Variants in TMEM131L observed in about 807,000 individuals in gnomAD.
TMEM131L encodes transmembrane protein 131-like.
TMEM131L carries 54 observed loss-of-function variants against 192.2 expected under a neutral mutation model. The ratio of observed to expected loss-of-function variants is 0.28; its 90% confidence interval spans 0.23 to 0.35. The LOEUF is 0.35. Ranked by LOEUF, TMEM131L falls within the 10% of genes least tolerant of loss-of-function variation. The pLI, the probability that TMEM131L is intolerant of heterozygous loss-of-function variation, is 1.00. For synonymous variants in TMEM131L, 701 were observed against 704.9 expected, an observed-to-expected ratio of 0.99 and a Z score of 0.09; for missense variants, 1,888 against 1,972.9, an observed-to-expected ratio of 0.96 and a Z score of 0.82.
In TMEM131L at chr4:153,593,830, A is replaced by G. The variant is rs1484354106; in HGVS notation, c.1954A>G (p.Thr652Ala). The G allele has an allele frequency of 3.7e-6, 6 of 1,613,614 alleles. No individual in the cohort carries two copies. ...CACTGATATGCAGATGATTAATTTC[A>G]CAACTGGTGAATTCCAGCTCACCGA... ...FGTDMQMINF[T>A]TGEFQLTEAC... Residue 652 changes from threonine (T) to alanine (A), a missense_variant, in exon 19 of 35, where the codon ACA becomes GCA. Thr to Ala is a moderately conservative substitution (Grantham distance 58). Transcript: ENST00000409959.
chr4:153,482,700 T>C (rs2149806764), intron 3 of TMEM131L, among the ~76,000 whole-genome samples: 1 of 152,332 alleles, frequency 6.6e-6, no homozygotes, highest in South Asian at 2.1e-4. Context: ...TAAGCAGTCC[T>C]TCCGCCTCAG....
intron 23 of TMEM131L, 109 bp from the exon 24 acceptor site, chr4:153,603,194 A>T (rs1731967827): frequency 3.4e-6 from 3 of 889,584 alleles, no homozygotes; most frequent in Non-Finnish European, 5.0e-6. Flanking sequence ...TTAATACTGC[A>T]TCTTCAGATG....
chr4:153,602,820 A>C lies in TMEM131L; in HGVS notation c.2639+93A>C. The stretch of plus-strand genomic sequence containing the variant: ...ACGTGAACTGCCCGAGTGTAGTCAA[A>C]GTATATGAATTGAGTGGAATTGTTA... On this transcript the variant is annotated intron_variant, in intron 23 of 34. Transcript: ENST00000409959. 3.6e-6 allele frequency: 4 copies of C among 1,104,556 alleles called. No individual in the cohort carries two copies. In the South Asian group the frequency reaches 5.8e-5, roughly 16 times the overall value. 68.4% of individuals were successfully genotyped at this position (1,104,556 alleles called of 1,614,324 possible). A position where few individuals can be genotyped will look rare whatever the true frequency, so the allele number is the denominator to read the frequency against.
chr4:153,553,917 G>T (rs1737818460), intron 4 of TMEM131L, among the ~76,000 whole-genome samples: 1 of 152,146 alleles, frequency 6.6e-6, no homozygotes, highest in African/African-American at 2.4e-5. Context: ...CTAAAAAATA[G>T]AATAAAAATA....
At chr4:153,515,066 C>G (rs1734638820) in intron 3 of TMEM131L, among the ~76,000 whole-genome samples, 1 of 152,242 alleles carries the variant, frequency 6.6e-6, no homozygotes, top group Non-Finnish European at 1.5e-5. Flanking sequence ...CCTGCCTCGG[C>G]CTCCCGAAGT....
At chr4:153,587,710 T>C in intron 14 of TMEM131L, 32 bp from the exon 15 acceptor site, 1 of 1,486,806 alleles carries the variant, frequency 6.7e-7, no homozygotes, top group Non-Finnish European at 9.4e-7. Flanking sequence ...GTGCTGTGTT[T>C]TAAGTTATTC....
At chr4:153,491,602 G>T (rs1732784929) in intron 3 of TMEM131L, among the ~76,000 whole-genome samples, 1 of 151,938 alleles carries the variant, frequency 6.6e-6, no homozygotes, top group South Asian at 2.1e-4. Flanking sequence ...TACGTCTTAT[G>T]CATTTATTTA....
chr4:153,499,096 A>G (rs1733400133), intron 3 of TMEM131L, among the ~76,000 whole-genome samples: 1 of 152,232 alleles, frequency 6.6e-6, no homozygotes, highest in Non-Finnish European at 1.5e-5. Flanking sequence ...TCTGTGGCTC[A>G]TCCTAGGCAC....
intron 25 of TMEM131L, 68 bp downstream of exon 25, chr4:153,604,498 C>A: frequency 1.4e-6 from 2 of 1,424,056 alleles, no homozygotes; most frequent in Non-Finnish European, 1.9e-6. Context: ...TGGAATTGTT[C>A]TCACCTGTGA....
chr4:153,478,172 G>A (rs905674941), intron 3 of TMEM131L, among the ~76,000 whole-genome samples: 6 of 152,100 alleles, frequency 3.9e-5, no homozygotes, highest in Admixed American at 3.9e-4. Context: ...TTCCTCATGT[G>A]TAAAGAAATG....
rs1270650159 is a variant in TMEM131L at position 153,581,471 on chromosome 4, A to G, written c.803A>G (p.Asn268Ser). 2 of 1,598,068 alleles carry G rather than the reference A, an allele frequency of 1.3e-6. No homozygotes were observed. The highest frequency in any genetic ancestry group is 1.1e-5 in the South Asian group (1 of 89,010). The change falls in exon 9 of 35, where the codon AAC (asparagine) becomes AGC (serine). Residue 268 changes from asparagine to serine, a missense_variant. By Grantham distance (46) the Asn-to-Ser change is conservative (BLOSUM62 1). Coordinates refer to ENST00000409959, the MANE Select transcript of TMEM131L (RefSeq NM_001131007.2). ...ATGAGCATAATGGTAACAATGGAAA[A>G]CTTTTCAAAAGAATTTGAAGAAAAC... ...LQMSIMVTME[N>S]FSKEFEENTQ... is the part of the protein sequence containing the mutation.
chr4:153,624,598 G>A (rs1189533885), intron 29 of TMEM131L, among the ~76,000 whole-genome samples: 2 of 152,174 alleles, frequency 1.3e-5, no homozygotes, highest in East Asian at 1.9e-4. Context: ...GTGCCCACAC[G>A]CCCCGTGAGA....
chr4:153,603,324 T>G lies in TMEM131L; in HGVS notation c.2661T>G (p.Ile887Met). ...TCAGTTTGTCCCTGTTGGGTGTGAT[T>G]TTAATAGCCTTCCAACAAGCACAGT... ...FFVSLSLLGV[I>M]LIAFQQAQYI... The change falls in exon 24 of 35, where the codon ATT becomes ATG. Residue 887 changes from isoleucine to methionine, a missense_variant. Transcript: ENST00000409959. 1 of 1,613,870 alleles carries G rather than the reference T, an allele frequency of 6.2e-7. No individual in the cohort carries two copies. Among genetic ancestry groups the G allele is most frequent in the Non-Finnish European group, 8.5e-7 (1 of 1,179,898 alleles).
Position 153,565,435 on chromosome 4 carries a change from T to C in TMEM131L, c.660+7067T>C, listed in dbSNP as rs1729126134. On this transcript the variant is annotated intron_variant, in intron 7 of 34. Transcript: ENST00000409959. The stretch of plus-strand genomic sequence containing the variant: ...GGTATTATTCTTATTTTAGAAATTA[T>C]AGAATGGACTTAGAGTTTAAGTTAC... Among the ~76,000 whole-genome samples, 2 of 152,224 alleles carry C rather than the reference T, an allele frequency of 1.3e-5. 1 individual carries two copies. The highest frequency in any genetic ancestry group is 4.1e-4 in the South Asian group (2 of 4,830).
chr4:153,483,545 A>C (rs79631741), intron 3 of TMEM131L, among the ~76,000 whole-genome samples: 90 of 151,352 alleles, frequency 5.9e-4, no homozygotes, highest in African/African-American at 2.1e-3. Flanking sequence ...AAAACAAAAC[A>C]AAAAAAAAGT....
chr4:153,585,745 A>C, intron 13 of TMEM131L, 134 bp downstream of exon 13: 1 of 538,738 alleles, frequency 1.9e-6, no homozygotes, highest in Non-Finnish European at 2.8e-6. Flanking sequence ...ATAAAATTTT[A>C]TGATTTTTAA....
At chr4:153,505,722 A>G (rs547082322) in intron 3 of TMEM131L, among the ~76,000 whole-genome samples, 1 of 152,336 alleles carries the variant, frequency 6.6e-6, no homozygotes, top group South Asian at 2.1e-4. Flanking sequence ...CAGCTAAAAT[A>G]TCTTATACCC....
At chr4:153,539,041 G>T (rs1338551800) in intron 3 of TMEM131L, among the ~76,000 whole-genome samples, 1 of 152,210 alleles carries the variant, frequency 6.6e-6, no homozygotes, top group Non-Finnish European at 1.5e-5. Context: ...GAGAAGGGGG[G>T]ATATTAGGGG....
intron 33 of TMEM131L, among the ~76,000 whole-genome samples, 174 bp from the exon 34 acceptor site, chr4:153,635,258 A>C (rs1031979742): frequency 4.6e-5 from 7 of 152,180 alleles, no homozygotes; most frequent in Non-Finnish European, 8.8e-5. Context: ...GTCTGATAAA[A>C]AGTTTTAATC....
Sources: gnomAD v4.1 joint callset for allele counts (sites outside exome capture counted in the v4.1 genomes callset) on GRCh38, gnomAD v4.1.1 for gene constraint, MANE v1.5 for transcripts, NCBI Gene and HGNC (gene_info 2026-07-23, HGNC 2026-07-21) for gene names.